Variants in FARP1 observed in about 807,000 individuals in gnomAD.
FARP1 encodes the protein FERM, ARH/RhoGEF and pleckstrin domain protein 1.
A neutral mutation model predicts 128.8 loss-of-function variants in FARP1; 52 were observed. The ratio of observed to expected loss-of-function variants is 0.40; its 90% CI spans 0.32 to 0.51. The LOEUF (loss-of-function observed/expected upper bound fraction) is 0.51, where lower values mean the gene tolerates loss of function less well. Ranked by LOEUF, FARP1 falls within the 20% of genes least tolerant of loss-of-function variation. The pLI is 0.45. For missense variants in FARP1, 1,333 were observed against 1,367.9 expected, an observed-to-expected ratio of 0.97 and a Z score of 0.40; for synonymous variants, 580 against 551.8, an observed-to-expected ratio of 1.05 and a Z score of -0.72.
chr13:98,267,781 CTGATCCTGGGCCTT>C (rs202019623), intron 2 of FARP1, among the ~76,000 whole-genome samples: 1,995 of 151,622 alleles, frequency 0.013, 21 homozygotes, highest in Middle Eastern at 0.041. Context: ...CCTGGGGCCT[CTGATCCTGGGCCTT>C]GTCCAGTGAT....
chr13:98,176,680 G>C lies in FARP1; in HGVS notation c.-24+33188G>C. On this transcript the variant is annotated intron_variant, in intron 1 of 26. Coordinates refer to ENST00000319562, the MANE Select transcript of FARP1 (RefSeq NM_005766.4). The surrounding 1 kb of genome is among the most constrained non-coding windows in gnomAD (Gnocchi z 6.2). ...GTCAGGCTGGTAATCCCAGCGCACA[G>C]TGGCGCGCAGATGCCCTGGCGCACG... The C allele has an allele frequency of 6.2e-7, 1 of 1,614,228 alleles. No individual in the cohort carries two copies. The highest frequency in any genetic ancestry group is 8.5e-7 in the Non-Finnish European group (1 of 1,180,040).
In FARP1 at chr13:98,222,794, A is replaced by ATTTT. The variant is rs34198874; in HGVS notation, c.171+9400_171+9403dup. Among the ~76,000 whole-genome samples, 186 of 124,770 alleles carry ATTTT rather than the reference A, an allele frequency of 1.5e-3. 3 individuals are homozygous for ATTTT. Among genetic ancestry groups the ATTTT allele is most frequent in the African/African-American group, 2.6e-3 (84 of 32,394 alleles). The allele number at this position is 124,770 out of a possible 152,430, so 81.9% of individuals were successfully genotyped here. On this transcript the variant is annotated intron_variant, in intron 2 of 26. Transcript: ENST00000319562. ...AGGCGTGCACCACCATGCCCAGCTA[A>ATTTT]TTTTTTTTTTTTTTTTTTTTTTAAG...
intron 1 of FARP1, chr13:98,177,387 T>G (rs1451404879): frequency 1.7e-5 from 10 of 592,924 alleles, no homozygotes; most frequent in Non-Finnish European, 2.2e-5. Context: ...TGACTCACTC[T>G]TGTAATCCCG....
intron 2 of FARP1, among the ~76,000 whole-genome samples, chr13:98,271,874 T>C (rs919980579): frequency 6.6e-6 from 1 of 152,162 alleles, no homozygotes; most frequent in African/African-American, 2.4e-5. Context: ...TTTGCTATTG[T>C]AAATAGTGCT....
intron 5 of FARP1, among the ~76,000 whole-genome samples, chr13:98,376,631 C>T (rs923842548): frequency 6.6e-6 from 1 of 152,128 alleles, no homozygotes; most frequent in African/African-American, 2.4e-5. Flanking sequence ...TTTCGGTACA[C>T]ACCTAGTACT....
chr13:98,171,569 G>A (rs1025553725), intron 1 of FARP1, among the ~76,000 whole-genome samples: 25 of 152,048 alleles, frequency 1.6e-4, no homozygotes, highest in African/African-American at 6.0e-4. Context: ...AGGATTTTTG[G>A]TGTTGATACA....
chr13:98,263,001 A>G (rs897767421), intron 2 of FARP1, among the ~76,000 whole-genome samples: 2 of 150,998 alleles, frequency 1.3e-5, no homozygotes, highest in Non-Finnish European at 2.9e-5. Flanking sequence ...AAACATTATT[A>G]TTATTATTAT....
chr13:98,302,462 C>T (rs549456582), intron 2 of FARP1, among the ~76,000 whole-genome samples: 55 of 152,252 alleles, frequency 3.6e-4, no homozygotes, highest in African/African-American at 1.1e-3. Flanking sequence ...TCTCCCTGTC[C>T]GGGGCAGATC....
At chr13:98,279,915 C>T (rs1273479562) in intron 2 of FARP1, among the ~76,000 whole-genome samples, 1 of 152,090 alleles carries the variant, frequency 6.6e-6, no homozygotes, top group African/African-American at 2.4e-5. Context: ...TCCGGGTCTC[C>T]CCCACGTTCT....
intron 2 of FARP1, among the ~76,000 whole-genome samples, chr13:98,279,427 T>C (rs1211611477): frequency 6.6e-6 from 1 of 152,234 alleles, no homozygotes; most frequent in Non-Finnish European, 1.5e-5. Context: ...TTGAAACAAA[T>C]TCCACACATA....
At chr13:98,253,130 A>G (rs2139500741) in intron 2 of FARP1, among the ~76,000 whole-genome samples, 1 of 152,374 alleles carries the variant, frequency 6.6e-6, no homozygotes, top group East Asian at 1.9e-4. Context: ...TGTTCAAGCC[A>G]AGTTTGTCCA....
intron 3 of FARP1, among the ~76,000 whole-genome samples, chr13:98,349,177 C>T (rs1481894030): frequency 6.6e-6 from 1 of 152,212 alleles, no homozygotes; most frequent in Non-Finnish European, 1.5e-5. Flanking sequence ...TGATTCTTAA[C>T]TTCCTTGATT....
chr13:98,200,199 T>C (rs532458306), intron 1 of FARP1, among the ~76,000 whole-genome samples: 11 of 152,338 alleles, frequency 7.2e-5, no homozygotes, highest in African/African-American at 2.4e-4. Flanking sequence ...CTTTGGCACA[T>C]GTGCAAAACA....
In FARP1 at chr13:98,453,934, A is replaced by C. The variant is rs1893324774; in HGVS notation, c.*5617A>C. ...CTTTGGATCTGGGAATATCCGCATTATACTTACCAGTGTGCAGCCCCAAAT... is the reference window on the plus strand; with the variant it reads ...CTTTGGATCTGGGAATATCCGCATTCTACTTACCAGTGTGCAGCCCCAAAT... On this transcript the variant is annotated 3_prime_UTR_variant, in exon 27 of 27. Transcript: ENST00000319562. The C allele has an allele frequency of 6.6e-6, 1 of 152,222 alleles. No homozygotes were observed. The highest frequency in any genetic ancestry group is 6.5e-5 in the Admixed American group (1 of 15,290). The allele number at this position is 152,222 out of a possible 1,614,324, so 9.4% of individuals were successfully genotyped here.
chr13:98,217,604 G>A (rs576734766), intron 2 of FARP1, among the ~76,000 whole-genome samples: 1 of 152,350 alleles, frequency 6.6e-6, no homozygotes, highest in African/African-American at 2.4e-5. Flanking sequence ...GAGCCTGGGA[G>A]AGAGCAATGA....
intron 2 of FARP1, among the ~76,000 whole-genome samples, chr13:98,311,975 C>T (rs1183948128): frequency 3.3e-5 from 5 of 151,320 alleles, no homozygotes; most frequent in Admixed American, 3.3e-4. Context: ...TCTGGAGTAG[C>T]TGGGATTATA....
chr13:98,247,827 G>A (rs1216789541), intron 2 of FARP1, among the ~76,000 whole-genome samples: 4 of 152,152 alleles, frequency 2.6e-5, no homozygotes, highest in African/African-American at 9.7e-5. Context: ...CCAGAAGGAG[G>A]CCTCTTCACA....
intron 2 of FARP1, among the ~76,000 whole-genome samples, chr13:98,326,768 T>C (rs545583841): frequency 6.6e-6 from 1 of 152,350 alleles, no homozygotes; most frequent in East Asian, 1.9e-4. Context: ...TGAAGGCAGA[T>C]CTAAGCTTTT....
intron 3 of FARP1, among the ~76,000 whole-genome samples, chr13:98,344,255 G>C (rs1401942055): frequency 6.6e-6 from 1 of 152,216 alleles, no homozygotes; most frequent in Non-Finnish European, 1.5e-5. Context: ...CGATGAGTCT[G>C]GTTGGAGATG....
Sources: gnomAD v4.1 joint callset for allele counts (sites outside exome capture counted in the v4.1 genomes callset) on GRCh38, gnomAD v4.1.1 for gene constraint, Gnocchi (gnomAD v3.1) non-coding constraint, MANE v1.5 for transcripts, NCBI Gene and HGNC (gene_info 2026-07-23, HGNC 2026-07-21) for gene names.